The following MYH6 variants were observed in gnomAD, a reference collection of about 807,000 sequenced individuals.
MYH6 encodes the protein myosin heavy chain 6, also known as myosin-6.
In MYH6, 126 loss-of-function variants were observed where a neutral mutation model predicts 223.2. The ratio of observed to expected loss-of-function variants is 0.56; its 90% CI spans 0.49 to 0.65. The LOEUF is 0.65. Ranked by LOEUF, MYH6 falls within the 30% of genes least tolerant of loss-of-function variation. The probability of loss-of-function intolerance (pLI) is 0.00; values close to 1 mark genes in which losing one functional copy is unlikely to be tolerated. For synonymous variants in MYH6, 978 were observed against 1,010.2 expected, an observed-to-expected ratio of 0.97 and a Z score of 0.61; for missense variants, 2,040 against 2,536.4, an observed-to-expected ratio of 0.80 and a Z score of 4.20.
In MYH6 at chr14:23,389,062, A is replaced by AAG. The variant is rs1555333577; in HGVS notation, c.3979-8_3979-7insCT. 2.6e-6 allele frequency: 3 copies of AAG among 1,175,168 alleles called. No homozygotes were observed. Among genetic ancestry groups the AAG allele is most frequent in the South Asian group, 2.9e-5 (2 of 68,938 alleles). The allele number at this position is 1,175,168 out of a possible 1,614,324, so 72.8% of individuals were successfully genotyped here. ...GGGCCAGGGCGTTCTTCGCCTGGGG[A>AAG]GGGGGGGGGGCACCAGGAGGTGGGA... On this transcript the variant is annotated splice_polypyrimidine_tract_variant and splice_region_variant and intron_variant, in intron 28 of 38. Coordinates refer to ENST00000405093, the MANE Select transcript of MYH6 (RefSeq NM_002471.4).
In MYH6 at chr14:23,392,961, T is replaced by G; in HGVS notation, c.3202A>C (p.Ile1068Leu). 2 of 1,614,228 alleles carry G rather than the reference T, an allele frequency of 1.2e-6. No individual in the cohort carries two copies. Among genetic ancestry groups the G allele is most frequent in the Non-Finnish European group, 1.7e-6 (2 of 1,180,034 alleles). ...EGDLKLTQES[I>L]MDLENDKLQL... is the part of the protein sequence containing the mutation. ...AGTTTATCATTTTCCAGGTCCATGA[T>G]GCTCTCCTGGGTCAGCTTCAGGTCG... The change falls in exon 24 of 39, where the codon ATC becomes CTC. Residue 1068 changes from isoleucine (I) to leucine (L), a missense_variant. Physicochemically the swap from Ile to Leu is conservative, Grantham distance 5 (BLOSUM62 2). Around this residue, in one of 4 missense-constraint regions of MYH6, gnomAD observed 1,203 missense variants for 1,400.2 expected, o/e 0.86. Coordinates refer to ENST00000405093, the MANE Select transcript of MYH6 (RefSeq NM_002471.4).
At chr14:23,402,417 G>C (rs1446790211) in intron 12 of MYH6, 47 bp downstream of exon 12, 1 of 1,609,732 alleles carries the variant, frequency 6.2e-7, no homozygotes, top group East Asian at 2.2e-5. Flanking sequence ...CAGAGAGCCT[G>C]GTCAGCACCT....
Position 23,389,522 on chromosome 14 carries a change from A to T in MYH6, c.3860-11T>A. 3 of 1,614,130 alleles carry T rather than the reference A, an allele frequency of 1.9e-6. No individual in the cohort carries two copies. The highest frequency in any genetic ancestry group is 2.5e-6 in the Non-Finnish European group (3 of 1,180,018). On this transcript the variant is annotated splice_polypyrimidine_tract_variant and intron_variant, in intron 27 of 38. Transcript: ENST00000405093. ...GCCGGGCCAACTCTCCTGGAGGTGA[A>T]ATGAGGGGCTTGTGGGCCATTTCAC...
intron 3 of MYH6, among the ~76,000 whole-genome samples, chr14:23,406,574 G>A (rs754380831): frequency 1.3e-5 from 2 of 152,208 alleles, no homozygotes; most frequent in Non-Finnish European, 2.9e-5. Context: ...GCCAGTCAAG[G>A]AGAGTGCTCA....
At position 23,384,598 on chromosome 14, in the gene MYH6, C is replaced by T; in HGVS notation, c.5409G>A (p.Glu1803=). The change falls in exon 36 of 39, where the codon GAG becomes GAA. Residue 1803 remains glutamate (E), a synonymous_variant. Transcript: ENST00000405093. ...TCTTGCCTCCCTTGAGGGCGATCTGCTCGGCCTCGTCCAGCCGGTGCTGCA... is the reference window on the plus strand; with the variant it reads ...TCTTGCCTCCCTTGAGGGCGATCTGTTCGGCCTCGTCCAGCCGGTGCTGCA... ...KDLQHRLDEA[E]QIALKGGKKQ... 2 of 1,613,842 alleles carry T rather than the reference C, an allele frequency of 1.2e-6. No homozygotes were observed. The highest frequency in any genetic ancestry group is 4.5e-5 in the East Asian group (2 of 44,894).
rs371222772 is a variant in MYH6 at position 23,384,548 on chromosome 14, C to T, written c.5459G>A (p.Arg1820Gln). The change falls in exon 36 of 39, where the codon CGG becomes CAG. Residue 1820 changes from arginine (R) to glutamine (Q), a missense_variant. Arg to Gln is a conservative substitution (Grantham distance 43, BLOSUM62 1). Around this residue, in one of 4 missense-constraint regions of MYH6, gnomAD observed 1,203 missense variants for 1,400.2 expected, o/e 0.86. Transcript: ENST00000405093. ...GKKQLQKLEA[R>Q]VRELEGELEA... Reference sequence around the variant, plus strand: ...CAGCTCACCCTCCAGCTCCCGCACCCGCGCTTCCAGCTTCTGCAGCTGCTT... The same window carrying T: ...CAGCTCACCCTCCAGCTCCCGCACCTGCGCTTCCAGCTTCTGCAGCTGCTT... The T allele has an allele frequency of 4.3e-5, 69 of 1,613,554 alleles. No individual in the cohort carries two copies. Among genetic ancestry groups the T allele is most frequent in the South Asian group, 3.4e-4 (31 of 91,054 alleles).
chr14:23,388,407 C>T, intron 29 of MYH6, 69 bp from the exon 30 acceptor site: 1 of 1,579,164 alleles, frequency 6.3e-7, no homozygotes. Flanking sequence ...GGGTGGACCT[C>T]CTTCCACCCC....
rs369774403 is a variant in MYH6 at position 23,393,482 on chromosome 14, C to T, written c.2965G>A (p.Glu989Lys). 4.3e-6 allele frequency: 7 copies of T among 1,614,060 alleles called. No individual in the cohort carries two copies. In the African/African-American group the frequency reaches 9.3e-5, roughly 22 times the overall value. ...NLTEEMAGLDEIIAKLTKEKK... is the reference protein window; with the variant it reads ...NLTEEMAGLDKIIAKLTKEKK... Reference sequence around the variant, plus strand: ...TCCTTGGTCAGCTTAGCGATGATTTCATCCAGCCCAGCCATCTCCTCTGTT... The same window carrying T: ...TCCTTGGTCAGCTTAGCGATGATTTTATCCAGCCCAGCCATCTCCTCTGTT... Residue 989 changes from glutamate (E) to lysine (K), a missense_variant, in exon 23 of 39, where the codon GAA becomes AAA. Glu to Lys is a moderately conservative substitution (Grantham distance 56). This residue lies in a region of MYH6 where 1,203 missense variants were observed against 1,400.2 expected (regional missense o/e 0.86). Coordinates refer to ENST00000405093, the MANE Select transcript of MYH6 (RefSeq NM_002471.4).
intron 15 of MYH6, among the ~76,000 whole-genome samples, chr14:23,397,976 C>G (rs1193071808): frequency 7.3e-6 from 1 of 137,422 alleles, no homozygotes; most frequent in Non-Finnish European, 1.5e-5. Flanking sequence ...TCTTCTTCTT[C>G]TTCTTCTTCT....
intron 15 of MYH6, among the ~76,000 whole-genome samples, chr14:23,397,929 C>CTCTTCTTCTTCTTTTTCTTCTTCT (rs1891449961): frequency 4.1e-5 from 5 of 123,132 alleles, no homozygotes; most frequent in African/African-American, 1.7e-4. Context: ...CCTCCTCCTC[C>CTCTTCTTCTTCTTTTTCTTCTTCT]TCCTCTTCTT....
Position 23,389,643 on chromosome 14 carries a change from C to T in MYH6, c.3809G>A (p.Arg1270His), listed in dbSNP as rs767603407. ...CTGGGTGGTGAAATCATTGAGGGAG[C>T]GTTGGGCCTCTTCTAGCTTCACGCG... ...EYRVKLEEAQRSLNDFTTQRA... is the reference protein window; with the variant it reads ...EYRVKLEEAQHSLNDFTTQRA... Residue 1270 changes from arginine to histidine, a missense_variant, in exon 27 of 39, where the codon CGC becomes CAC. Around this residue, in one of 4 missense-constraint regions of MYH6, gnomAD observed 1,203 missense variants for 1,400.2 expected, o/e 0.86. Transcript: ENST00000405093. 5.0e-6 allele frequency: 8 copies of T among 1,614,036 alleles called. No individual in the cohort carries two copies. Among genetic ancestry groups the T allele is most frequent in the East Asian group, 2.2e-5 (1 of 44,874 alleles).
At chr14:23,406,756 A>T (rs1215381588) in intron 3 of MYH6, among the ~76,000 whole-genome samples, 1 of 152,280 alleles carries the variant, frequency 6.6e-6, no homozygotes, top group African/African-American at 2.4e-5. Context: ...CTTTATCTAC[A>T]AGACCCCTCT....
intron 15 of MYH6, among the ~76,000 whole-genome samples, chr14:23,398,486 A>G (rs1891497783): frequency 6.6e-6 from 1 of 151,754 alleles, no homozygotes; most frequent in African/African-American, 2.4e-5. Context: ...ACCCTCACTG[A>G]CCTCCAGTTA....
rs753687385 is a variant in MYH6 at position 23,387,747 on chromosome 14, C to T, written c.4525+11G>A. ...CCAACTCATCTCTGGCCTCTTGGAC[C>T]CCCAGCACACCCTGAAGGTTCTTGT... On this transcript the variant is annotated intron_variant, in intron 31 of 38. Coordinates refer to ENST00000405093, the MANE Select transcript of MYH6 (RefSeq NM_002471.4). 1.9e-6 allele frequency: 3 copies of T among 1,613,900 alleles called. No homozygotes were observed. The highest frequency in any genetic ancestry group is 2.5e-6 in the Non-Finnish European group (3 of 1,180,000).
In MYH6 at chr14:23,387,745, A is replaced by G. The variant is rs397516770; in HGVS notation, c.4525+13T>C. 1.2e-4 allele frequency: 187 copies of G among 1,613,178 alleles called. 1 individual carries two copies. The highest frequency in any genetic ancestry group is 3.3e-4 in the Middle Eastern group (2 of 6,084). Reference sequence around the variant, plus strand: ...CACCAACTCATCTCTGGCCTCTTGGACCCCCAGCACACCCTGAAGGTTCTT... The same window carrying G: ...CACCAACTCATCTCTGGCCTCTTGGGCCCCCAGCACACCCTGAAGGTTCTT... On this transcript the variant is annotated intron_variant, in intron 31 of 38. Transcript: ENST00000405093.
chr14:23,392,816 C>G, intron 24 of MYH6, 96 bp downstream of exon 24: 2 of 1,568,730 alleles, frequency 1.3e-6, no homozygotes, highest in Non-Finnish European at 1.7e-6. Context: ...CCAGCATACC[C>G]AAGGCAACTG....
At chr14:23,397,955 C>CTTCTTT (rs1891466040) in intron 15 of MYH6, among the ~76,000 whole-genome samples, 2 of 96,804 alleles carry the variant, frequency 2.1e-5, no homozygotes, top group African/African-American at 4.2e-5. Context: ...TCTTCTTCTT[C>CTTCTTT]TTCTTCTTCT....
chr14:23,384,825 A>G, intron 35 of MYH6, 91 bp downstream of exon 35: 1 of 1,613,240 alleles, frequency 6.2e-7, no homozygotes, highest in Non-Finnish European at 8.5e-7. Flanking sequence ...AGAACTGCAG[A>G]GTTGGCTTGG....
At chr14:23,408,095 T>C (rs1891842235) in intron 1 of MYH6, among the ~76,000 whole-genome samples, 158 bp downstream of exon 1, 1 of 152,086 alleles carries the variant, frequency 6.6e-6, no homozygotes, top group Non-Finnish European at 1.5e-5. Flanking sequence ...GGAACCTCCT[T>C]GTGTCAGGGG....
Sources: gnomAD v4.1 joint callset for allele counts (sites outside exome capture counted in the v4.1 genomes callset) on GRCh38, gnomAD v4.1.1 for gene constraint, gnomAD v4.1.1 regional missense constraint, MANE v1.5 for transcripts, NCBI Gene and HGNC (gene_info 2026-07-23, HGNC 2026-07-21) for gene names.